Variants in WASF3 observed in about 807,000 individuals in gnomAD.
WASF3 encodes actin-binding protein WASF3.
Under a neutral mutation model 46.6 loss-of-function variants are expected in WASF3, and 11 were observed. The observed-to-expected ratio is 0.24, with a 90% CI of 0.15 to 0.39. The LOEUF (loss-of-function observed/expected upper bound fraction) is 0.39. Ranked by LOEUF, WASF3 falls within the 10% of genes least tolerant of loss-of-function variation. The pLI is 1.00. For synonymous variants in WASF3, 242 were observed against 259.7 expected (o/e 0.93, Z 0.65); for missense variants, 576 against 669.8 (o/e 0.86, Z 1.55).
intron 1 of WASF3, among the ~76,000 whole-genome samples, chr13:26,576,434 G>C (rs879825203): frequency 6.6e-6 from 1 of 152,048 alleles, no homozygotes; most frequent in African/African-American, 2.4e-5. Flanking sequence ...AGTGGTTTAC[G>C]TGGGGAATTT....
At chr13:26,667,769 G>GATGTCC (rs1882816390) in intron 5 of WASF3, 99 bp downstream of exon 5, 2 of 1,165,590 alleles carry the variant, frequency 1.7e-6, no homozygotes, top group Non-Finnish European at 2.4e-6. Flanking sequence ...GTCCTTGATG[G>GATGTCC]TTCATCTGGG....
chr13:26,672,911 T>C (rs1417449809), intron 6 of WASF3, among the ~76,000 whole-genome samples: 1 of 152,170 alleles, frequency 6.6e-6, no homozygotes, highest in Non-Finnish European at 1.5e-5. Context: ...TAAGACACCA[T>C]GGCTGGTTCC....
chr13:26,567,698 TAA>T (rs60469078), intron 1 of WASF3, among the ~76,000 whole-genome samples: 2,304 of 145,416 alleles, frequency 0.016, 70 homozygotes, highest in African/African-American at 0.052. Flanking sequence ...TAAACGACAT[TAA>T]AAAAAAAATA....
At chr13:26,641,440 C>T (rs767211954) in intron 2 of WASF3, 17 of 152,174 alleles carry the variant, frequency 1.1e-4, no homozygotes, top group Non-Finnish European at 1.0e-4. Flanking sequence ...AGTTGCGTGC[C>T]ACACAGAAAG....
chr13:26,609,300 G>A (rs556607337), intron 1 of WASF3: 3 of 152,250 alleles, frequency 2.0e-5, no homozygotes, highest in African/African-American at 7.2e-5. Flanking sequence ...GAGGTATCAT[G>A]AGATAAACTC....
At chr13:26,632,171 C>G (rs1282861967) in intron 2 of WASF3, among the ~76,000 whole-genome samples, 1 of 152,182 alleles carries the variant, frequency 6.6e-6, no homozygotes, top group Non-Finnish European at 1.5e-5. Context: ...ATTTGTTTCT[C>G]TTGCCTGATT....
At chr13:26,651,924 A>G (rs948611320) in intron 3 of WASF3, among the ~76,000 whole-genome samples, 9 of 152,218 alleles carry the variant, frequency 5.9e-5, no homozygotes, top group African/African-American at 2.2e-4. Context: ...ATTTCTAGTA[A>G]CCATCAAGAA....
At chr13:26,585,791 C>T (rs568969911) in intron 1 of WASF3, among the ~76,000 whole-genome samples, 26 of 152,274 alleles carry the variant, frequency 1.7e-4, no homozygotes, top group Middle Eastern at 3.4e-3. Flanking sequence ...CTATCTTCTG[C>T]TGAAATTAAA....
At position 26,682,553 on chromosome 13, in the gene WASF3, G is replaced by C; in HGVS notation, c.984-54G>C. On this transcript the variant is annotated intron_variant, in intron 8 of 9. Coordinates refer to ENST00000335327, the MANE Select transcript of WASF3 (RefSeq NM_006646.6). This position sits in a 1 kb window ranked among gnomAD's most constrained non-coding sequence, Gnocchi z 4.4. ...TCCGTTAGGTGTCTAAGAGCTCCCA[G>C]GACGTGACCCTCTCTTGTTCCCTTG... 1.2e-6 allele frequency: 2 copies of C among 1,610,360 alleles called. No individual in the cohort carries two copies. Among genetic ancestry groups the C allele is most frequent in the Non-Finnish European group, 1.7e-6 (2 of 1,178,662 alleles).
Position 26,619,383 on chromosome 13 carries a change from C to T in WASF3, c.-11+6325C>T, listed in dbSNP as rs532284018. On this transcript the variant is annotated intron_variant, in intron 2 of 9. Coordinates refer to ENST00000335327, the MANE Select transcript of WASF3 (RefSeq NM_006646.6). The stretch of plus-strand genomic sequence containing the variant: ...CCCACAGCAGCATTTCTGTAAGTCT[C>T]CTTGGAGGCTGGGTATATATTCTAG... 2.0e-5 allele frequency: 3 copies of T among 152,296 alleles called. No homozygotes were observed. The South Asian group carries it at 6.2e-4, about 32-fold the overall frequency. 9.4% of individuals were successfully genotyped at this position (152,296 alleles called of 1,614,324 possible). A position where few individuals can be genotyped will look rare whatever the true frequency, so the allele number is the denominator to read the frequency against.
chr13:26,626,621 C>T (rs1205622091), intron 2 of WASF3, among the ~76,000 whole-genome samples: 1 of 152,038 alleles, frequency 6.6e-6, no homozygotes, highest in Non-Finnish European at 1.5e-5. Context: ...GCAACACAAC[C>T]GTATGCTCTC....
intron 1 of WASF3, among the ~76,000 whole-genome samples, chr13:26,558,577 T>A (rs1381561619): frequency 6.6e-6 from 1 of 152,060 alleles, no homozygotes; most frequent in Non-Finnish European, 1.5e-5. Flanking sequence ...GGTGCTGACG[T>A]GCAATGGCGA....
At chr13:26,604,793 A>G (rs1480805730) in intron 1 of WASF3, among the ~76,000 whole-genome samples, 1 of 152,220 alleles carries the variant, frequency 6.6e-6, no homozygotes. Flanking sequence ...TTCAAGGTTT[A>G]AACTGTCATC....
chr13:26,640,193 C>T lies in WASF3; in HGVS notation c.-10-2068C>T, dbSNP rs1191624166. On this transcript the variant is annotated intron_variant, in intron 2 of 9. Transcript: ENST00000335327. Reference sequence around the variant, plus strand: ...GATCCAAAAGTTTCCCACTGGGCCCCACTTTCAATACCTGAGATCACATTT... The same window carrying T: ...GATCCAAAAGTTTCCCACTGGGCCCTACTTTCAATACCTGAGATCACATTT... Among the ~76,000 whole-genome samples, 3 of 152,054 alleles carry T rather than the reference C, an allele frequency of 2.0e-5. No individual in the cohort carries two copies. The East Asian group carries it at 5.8e-4, about 29-fold the overall frequency.
rs1045847233 is a variant in WASF3 at position 26,652,893 on chromosome 13, A to G, written c.133+10490A>G. ...TAGAAAAGAAGAAAGGTTTAAAATCATGAGCCCATGCCTTAGGTAGGGCCC... is the reference window on the plus strand; with the variant it reads ...TAGAAAAGAAGAAAGGTTTAAAATCGTGAGCCCATGCCTTAGGTAGGGCCC... On this transcript the variant is annotated intron_variant, in intron 3 of 9. Coordinates refer to ENST00000335327, the MANE Select transcript of WASF3 (RefSeq NM_006646.6). 5.7e-5 allele frequency among the ~76,000 whole-genome samples: 6 copies of G among 105,194 alleles called. No individual in the cohort carries two copies. The East Asian group carries it at 1.7e-3, about 30-fold the overall frequency. 69.0% of individuals were successfully genotyped at this position (105,194 alleles called of 152,430 possible).
intron 2 of WASF3, among the ~76,000 whole-genome samples, chr13:26,630,237 G>A (rs1354875542): frequency 6.6e-6 from 1 of 152,078 alleles, no homozygotes; most frequent in African/African-American, 2.4e-5. Context: ...GTATACATGT[G>A]CCATGTTGGT....
chr13:26,625,445 G>A (rs563894178), intron 2 of WASF3, among the ~76,000 whole-genome samples: 1 of 152,200 alleles, frequency 6.6e-6, no homozygotes, highest in Non-Finnish European at 1.5e-5. Flanking sequence ...GGATTGGGAA[G>A]GTGGTGCAGG....
At chr13:26,674,877 C>T (rs1473800435) in intron 6 of WASF3, among the ~76,000 whole-genome samples, 1 of 152,170 alleles carries the variant, frequency 6.6e-6, no homozygotes, top group Non-Finnish European at 1.5e-5. Flanking sequence ...ATGTTCTTAC[C>T]AGGCCTTCTC....
At chr13:26,600,538 A>G (rs1277622742) in intron 1 of WASF3, among the ~76,000 whole-genome samples, 4 of 152,214 alleles carry the variant, frequency 2.6e-5, no homozygotes, top group Non-Finnish European at 5.9e-5. Flanking sequence ...ATGTCAGGGC[A>G]GGGCAGAGAC....
Sources: allele counts gnomAD v4.1 joint callset (sites outside exome capture counted in the v4.1 genomes callset), GRCh38; gene constraint gnomAD v4.1.1; non-coding constraint Gnocchi (gnomAD v3.1); transcripts MANE v1.5; gene names NCBI Gene and HGNC (gene_info 2026-07-23, HGNC 2026-07-21).